The following MYCBP2 variants were observed in gnomAD, a reference collection of about 807,000 sequenced individuals.
MYCBP2 encodes MYC binding protein 2.
A neutral mutation model predicts 525.3 loss-of-function variants in MYCBP2; 120 were observed. The observed-to-expected ratio is 0.23, with a 90% CI of 0.20 to 0.27. The LOEUF (loss-of-function observed/expected upper bound fraction) is 0.27. Ranked by LOEUF, MYCBP2 falls within the 10% of genes least tolerant of loss-of-function variation. The pLI is 1.00. For synonymous variants in MYCBP2, 1,894 were observed against 1,955.8 expected, an observed-to-expected ratio of 0.97 and a Z score of 0.83; for missense variants, 4,149 against 5,657.1, an observed-to-expected ratio of 0.73 and a Z score of 8.55.
intron 26 of MYCBP2, among the ~76,000 whole-genome samples, chr13:77,201,397 T>C (rs1467763808): frequency 6.6e-6 from 1 of 151,268 alleles, no homozygotes; most frequent in Non-Finnish European, 1.5e-5. Flanking sequence ...ATAAAGCAAG[T>C]CCTGAGTGAC....
chr13:77,264,484 T>C (rs1316839833), intron 8 of MYCBP2, among the ~76,000 whole-genome samples: 3 of 152,116 alleles, frequency 2.0e-5, no homozygotes, highest in Non-Finnish European at 4.4e-5. Context: ...TCAAAACCAG[T>C]TGTACATTTC....
intron 26 of MYCBP2, among the ~76,000 whole-genome samples, chr13:77,198,428 A>C (rs2062002455): frequency 1.3e-5 from 2 of 152,240 alleles, no homozygotes; most frequent in African/African-American, 4.8e-5. Context: ...GAGTGTTAAC[A>C]TATTGATATC....
At position 77,168,510 on chromosome 13, in the gene MYCBP2, A is replaced by G; in HGVS notation, c.6032T>C (p.Leu2011Pro). Reference protein sequence around the residue: ...STTGNQPEQGLSACTTSSHYA... With the variant: ...STTGNQPEQGPSACTTSSHYA... ...GTGACTGGAGGTTGTACAAGCAGAG[A>G]GGCCCTGTTCAGGCTGGTTTCCTGT... The change falls in exon 40 of 83, where the codon CTC (leucine) becomes CCC (proline). Residue 2011 changes from leucine to proline, a missense_variant. This residue lies in a region of MYCBP2 where 692 missense variants were observed against 852.7 expected (regional missense o/e 0.81). Transcript: ENST00000544440. 1 of 1,614,088 alleles carries G rather than the reference A, an allele frequency of 6.2e-7. No homozygotes were observed.
At chr13:77,199,277 G>A (rs1372419636) in intron 26 of MYCBP2, among the ~76,000 whole-genome samples, 2 of 152,246 alleles carry the variant, frequency 1.3e-5, no homozygotes, top group South Asian at 2.1e-4. Context: ...AGAAAGGGGT[G>A]ACAGACGGCA....
chr13:77,094,040 T>C (rs1451222779), intron 58 of MYCBP2, among the ~76,000 whole-genome samples: 2 of 152,206 alleles, frequency 1.3e-5, no homozygotes, highest in Non-Finnish European at 2.9e-5. Flanking sequence ...CTATTGTATT[T>C]TGGCATACTG....
chr13:77,144,682 AT>A, intron 48 of MYCBP2, 122 bp from the exon 49 acceptor site: 1 of 708,058 alleles, frequency 1.4e-6, no homozygotes, highest in South Asian at 1.6e-5. Context: ...CCACCCTGCC[AT>A]AGTACGCTTG....
chr13:77,166,023 T>C (rs990175488), intron 41 of MYCBP2, among the ~76,000 whole-genome samples: 1 of 152,182 alleles, frequency 6.6e-6, no homozygotes, highest in Non-Finnish European at 1.5e-5. Context: ...ATCTAATCCA[T>C]TGTTTTCTAT....
chr13:77,102,540 G>C (rs2047228188), intron 55 of MYCBP2, among the ~76,000 whole-genome samples: 1 of 151,096 alleles, frequency 6.6e-6, no homozygotes, highest in Non-Finnish European at 1.5e-5. Context: ...ATTTAAGTAG[G>C]CATCTGTAGT....
At chr13:77,318,725 G>A (rs1002559816) in intron 1 of MYCBP2, among the ~76,000 whole-genome samples, 3 of 152,174 alleles carry the variant, frequency 2.0e-5, no homozygotes, top group Non-Finnish European at 4.4e-5. Flanking sequence ...CTGCACTCTG[G>A]CCTGGGTGAC....
chr13:77,161,126 C>A (rs1347051051), intron 44 of MYCBP2, among the ~76,000 whole-genome samples: 1 of 152,160 alleles, frequency 6.6e-6, no homozygotes, highest in African/African-American at 2.4e-5. Flanking sequence ...ACATCAGAAA[C>A]TCTGGTTTGG....
chr13:77,218,340 A>C (rs935637045), intron 20 of MYCBP2, among the ~76,000 whole-genome samples: 6 of 152,206 alleles, frequency 3.9e-5, no homozygotes, highest in African/African-American at 1.2e-4. Context: ...CAGAAATTCA[A>C]TCCAGGAACT....
chr13:77,307,625 CAAAAAAAAAAAAAA>C (rs763388200), intron 1 of MYCBP2, among the ~76,000 whole-genome samples: 1 of 30,120 alleles, frequency 3.3e-5, no homozygotes, highest in Non-Finnish European at 6.5e-5. Context: ...GACCCTGTCT[CAAAAAAAAAAAAAA>C]AAAAAAAAAA....
chr13:77,055,005 T>G (rs971951051), intron 80 of MYCBP2, among the ~76,000 whole-genome samples: 3 of 152,096 alleles, frequency 2.0e-5, no homozygotes, highest in African/African-American at 7.2e-5. Context: ...TCAAAAATTT[T>G]GGGGGGTCAT....
Position 77,067,804 on chromosome 13 carries a change from T to C in MYCBP2, c.12232A>G (p.Ile4078Val), listed in dbSNP as rs370784622. 36 of 1,614,054 alleles carry C rather than the reference T, an allele frequency of 2.2e-5. No homozygotes were observed. Among genetic ancestry groups the C allele is most frequent in the Non-Finnish European group, 2.5e-5 (30 of 1,179,988 alleles). The change falls in exon 71 of 83, where the codon ATA becomes GTA. Residue 4078 changes from isoleucine (I) to valine (V), a missense_variant. Transcript: ENST00000544440. ...EVTPSRLASI[I>V]GVKSLPPADI... ...GCTGGGGGGAGGGATTTCACTCCTA[T>C]GATGCTGGCCAGACGACTAGGGGTT... is the stretch of plus-strand genomic sequence containing the variant.
At chr13:77,221,418 A>G (rs550295397) in intron 20 of MYCBP2, among the ~76,000 whole-genome samples, 1 of 152,236 alleles carries the variant, frequency 6.6e-6, no homozygotes, top group African/African-American at 2.4e-5. Context: ...TCAGCGGCCA[A>G]CACACCTCAG....
Position 77,104,254 on chromosome 13 carries a change from G to A in MYCBP2, c.8141-5241C>T, listed in dbSNP as rs952961177. Among the ~76,000 whole-genome samples, 5 of 152,014 alleles carry A rather than the reference G, an allele frequency of 3.3e-5. No homozygotes were observed. In the South Asian group the frequency reaches 8.3e-4, roughly 25 times the overall value. Reference sequence around the variant, plus strand: ...TTTTCTTAAAAAAAGTGCTGTTTTCGGCTGATTCATTATTATGATCAAGAT... The same window carrying A: ...TTTTCTTAAAAAAAGTGCTGTTTTCAGCTGATTCATTATTATGATCAAGAT... On this transcript the variant is annotated intron_variant, in intron 55 of 82. Coordinates refer to ENST00000544440, the MANE Select transcript of MYCBP2 (RefSeq NM_015057.5).
Position 77,206,722 on chromosome 13 carries a change from G to A in MYCBP2, c.3520C>T (p.Pro1174Ser), listed in dbSNP as rs1389834680. ...GATCCTGTTGGTAAGGCAAGTTCAG[G>A]ACTTAGGATACTACATCTGGACTGC... ...DMQSRCSILS[P>S]ELALPTGSRA... The change falls in exon 24 of 83, where the codon CCT becomes TCT. Residue 1174 changes from proline to serine, a missense_variant. Pro to Ser is a moderately conservative substitution (Grantham distance 74, BLOSUM62 -1). This residue lies in a region of MYCBP2 where 620 missense variants were observed against 795.5 expected (regional missense o/e 0.78). Coordinates refer to ENST00000544440, the MANE Select transcript of MYCBP2 (RefSeq NM_015057.5). 6.2e-7 allele frequency: 1 copy of A among 1,612,898 alleles called. No homozygotes were observed. The highest frequency in any genetic ancestry group is 1.7e-4 in the Middle Eastern group (1 of 6,058).
chr13:77,185,348 T>C lies in MYCBP2; in HGVS notation c.4474A>G (p.Ser1492Gly). The C allele has an allele frequency of 6.2e-7, 1 of 1,613,220 alleles. No homozygotes were observed. The change falls in exon 32 of 83, where the codon AGC (serine) becomes GGC (glycine). Residue 1492 changes from serine to glycine, a missense_variant. Physicochemically the swap from Ser to Gly is moderately conservative, Grantham distance 56. Around this residue, in one of 21 missense-constraint regions of MYCBP2, gnomAD observed 292 missense variants for 330.5 expected, o/e 0.88. Coordinates refer to ENST00000544440, the MANE Select transcript of MYCBP2 (RefSeq NM_015057.5). Reference sequence around the variant, plus strand: ...TTTCCAATACACTCTGCTAATTTGCTAGTTTCTTCTACAACTGCTTTTCCT... The same window carrying C: ...TTTCCAATACACTCTGCTAATTTGCCAGTTTCTTCTACAACTGCTTTTCCT... ...ATGKAVVEET[S>G]KLAECIGKTR...
chr13:77,152,957 C>T (rs912493740), intron 46 of MYCBP2, among the ~76,000 whole-genome samples: 4 of 149,252 alleles, frequency 2.7e-5, no homozygotes, highest in African/African-American at 7.4e-5. Flanking sequence ...CTCAGCTACT[C>T]GGGAGGCTGA....
Sources: allele counts gnomAD v4.1 joint callset (sites outside exome capture counted in the v4.1 genomes callset), GRCh38; gene constraint gnomAD v4.1.1; regional missense constraint gnomAD v4.1.1; transcripts MANE v1.5; gene names NCBI Gene and HGNC (gene_info 2026-07-23, HGNC 2026-07-21).